The following MGAT2 variants were observed in gnomAD, a reference collection of about 807,000 sequenced individuals.
MGAT2 encodes Beta-1,2-N-acetylglucosaminyltransferase II.
MGAT2 carries 17 observed loss-of-function variants against 33.8 expected under a neutral mutation model. The ratio of observed to expected loss-of-function variants is 0.50; its 90% CI spans 0.34 to 0.76. The LOEUF is 0.76. Ranked by LOEUF, MGAT2 falls within the 30% of genes least tolerant of loss-of-function variation. The pLI is 0.01. For missense variants in MGAT2, 529 were observed against 553.9 expected, an observed-to-expected ratio of 0.96 and a Z score of 0.45; for synonymous variants, 248 against 226.7, an observed-to-expected ratio of 1.09 and a Z score of -0.84.
Position 49,621,829 on chromosome 14 carries a change from G to T in MGAT2, c.561G>T (p.Glu187Asp). Residue 187 changes from glutamate to aspartate, a missense_variant, in exon 1 of 1, where the codon GAG becomes GAT. Around this residue, in one of 2 missense-constraint regions of MGAT2, gnomAD observed 501 missense variants for 501.1 expected, o/e 1.00. Coordinates refer to ENST00000305386, the MANE Select transcript of MGAT2 (RefSeq NM_002408.4). The surrounding 1 kb of genome is among the most constrained non-coding windows in gnomAD (Gnocchi z 4.6). The part of the protein sequence containing the change: ...FPFSIQLYPN[E>D]FPGSDPRDCP... Reference sequence around the variant, plus strand: ...TCAGCATTCAGTTGTACCCTAACGAGTTTCCAGGTAGTGACCCTAGAGATT... The same window carrying T: ...TCAGCATTCAGTTGTACCCTAACGATTTTCCAGGTAGTGACCCTAGAGATT... 6.2e-7 allele frequency: 1 copy of T among 1,614,194 alleles called. No individual in the cohort carries two copies. Among genetic ancestry groups the T allele is most frequent in the African/African-American group, 1.3e-5 (1 of 75,052 alleles).
Position 49,621,248 on chromosome 14 carries a change from G to T in MGAT2, c.-21G>T. ...TGCTCCTTTCCGCGCCCGCCCGCCT[G>T]CGCTCCCGGCCCTGGAGACCATGAG... is the stretch of plus-strand genomic sequence containing the variant. On this transcript the variant is annotated 5_prime_UTR_variant, in exon 1 of 1. Coordinates refer to ENST00000305386, the MANE Select transcript of MGAT2 (RefSeq NM_002408.4). The surrounding 1 kb of genome is among the most constrained non-coding windows in gnomAD (Gnocchi z 4.6). 6.2e-7 allele frequency: 1 copy of T among 1,611,762 alleles called. No homozygotes were observed. Among genetic ancestry groups the T allele is most frequent in the South Asian group, 1.1e-5 (1 of 91,050 alleles).
rs1449178585 is a variant in MGAT2 at position 49,621,273 on chromosome 14, G to T, written c.5G>T (p.Arg2Met). 4 of 1,612,314 alleles carry T rather than the reference G, an allele frequency of 2.5e-6. No homozygotes were observed. Among genetic ancestry groups the T allele is most frequent in the Non-Finnish European group, 3.4e-6 (4 of 1,179,804 alleles). Reference sequence around the variant, plus strand: ...GCGCTCCCGGCCCTGGAGACCATGAGGTTCCGCATCTACAAACGGAAGGTG... The same window carrying T: ...GCGCTCCCGGCCCTGGAGACCATGATGTTCCGCATCTACAAACGGAAGGTG... The part of the protein sequence containing the change: M[R>M]FRIYKRKVLI... The change falls in exon 1 of 1, where the codon AGG becomes ATG. Residue 2 changes from arginine to methionine, a missense_variant. Transcript: ENST00000305386. The surrounding 1 kb of genome is among the most constrained non-coding windows in gnomAD (Gnocchi z 4.6).
rs367884832 is a variant in MGAT2 at position 49,622,625 on chromosome 14, C to A, written c.*13C>A. 3 of 1,594,462 alleles carry A rather than the reference C, an allele frequency of 1.9e-6. No individual in the cohort carries two copies. The highest frequency in any genetic ancestry group is 3.7e-5 in the Admixed American group (2 of 54,398). On this transcript the variant is annotated 3_prime_UTR_variant, in exon 1 of 1. Coordinates refer to ENST00000305386, the MANE Select transcript of MGAT2 (RefSeq NM_002408.4). Reference sequence around the variant, plus strand: ...AAGACTGCAGTGAAAATCACAGTTACAAAAGCGACAGTCTTCTATTTTTGA... The same window carrying A: ...AAGACTGCAGTGAAAATCACAGTTAAAAAAGCGACAGTCTTCTATTTTTGA...
Position 49,622,431 on chromosome 14 carries a change from C to G in MGAT2, c.1163C>G (p.Pro388Arg), listed in dbSNP as rs1051276902. Residue 388 changes from proline to arginine, a missense_variant, in exon 1 of 1, where the codon CCA (proline) becomes CGA (arginine). Around this residue, in one of 2 missense-constraint regions of MGAT2, gnomAD observed 501 missense variants for 501.1 expected, o/e 1.00. Coordinates refer to ENST00000305386, the MANE Select transcript of MGAT2 (RefSeq NM_002408.4). ...ATGCATCACAAGAAAACCTGTAGACCATCCACTCAGAGTGCCCAAATTGAG... is the reference window on the plus strand; with the variant it reads ...ATGCATCACAAGAAAACCTGTAGACGATCCACTCAGAGTGCCCAAATTGAG... ...CGMHHKKTCRPSTQSAQIESL... is the reference protein window; with the variant it reads ...CGMHHKKTCRRSTQSAQIESL... The G allele has an allele frequency of 1.2e-6, 2 of 1,613,858 alleles. No homozygotes were observed. Among genetic ancestry groups the G allele is most frequent in the Admixed American group, 1.7e-5 (1 of 59,986 alleles).
chr14:49,621,208 C>G lies in MGAT2; in HGVS notation c.-61C>G. 10 of 1,607,182 alleles carry G rather than the reference C, an allele frequency of 6.2e-6. No individual in the cohort carries two copies. Among genetic ancestry groups the G allele is most frequent in the Admixed American group, 1.7e-5 (1 of 59,754 alleles). On this transcript the variant is annotated 5_prime_UTR_variant, in exon 1 of 1. Coordinates refer to ENST00000305386, the MANE Select transcript of MGAT2 (RefSeq NM_002408.4). This position sits in a 1 kb window ranked among gnomAD's most constrained non-coding sequence, Gnocchi z 4.6. ...GACGGCCGCCGCCCGCCCGCCCCTT[C>G]CGTGCAGAAGCAGCTGCTCCTTTCC...
At position 49,621,580 on chromosome 14, in the gene MGAT2, G is replaced by C. The variant is rs1224294244; in HGVS notation, c.312G>C (p.Leu104=). The C allele has an allele frequency of 6.2e-7, 1 of 1,613,908 alleles. No homozygotes were observed. The highest frequency in any genetic ancestry group is 2.2e-5 in the East Asian group (1 of 44,896). Residue 104 remains leucine (L), a synonymous_variant, in exon 1 of 1, where the codon CTG becomes CTC. Transcript: ENST00000305386. This position sits in a 1 kb window ranked among gnomAD's most constrained non-coding sequence, Gnocchi z 4.6. ...ACCAGCTGAACTTTGATCAGACCCT[G>C]AGGAATGTAGATAAGGCTGGCACCT... ...LVYQLNFDQT[L]RNVDKAGTWA...
In MGAT2 at chr14:49,622,746, A is replaced by G. The variant is rs1307130383; in HGVS notation, c.*134A>G. On this transcript the variant is annotated 3_prime_UTR_variant, in exon 1 of 1. Transcript: ENST00000305386. ...AAAATCTTGTAAAAGGTGTCCAAAT[A>G]CATAGTAATCTTTTCCAGTTATGTC... The G allele has an allele frequency of 4.8e-6, 4 of 830,216 alleles. No homozygotes were observed. Among genetic ancestry groups the G allele is most frequent in the Non-Finnish European group, 7.1e-6 (4 of 560,932 alleles). 51.4% of individuals were successfully genotyped at this position (830,216 alleles called of 1,614,324 possible).
chr14:49,622,566 A>G lies in MGAT2; in HGVS notation c.1298A>G (p.Asp433Gly). ...CCTAGAAAAAATGGAGGGTGGGGAG[A>G]TATTAGGGACCATGAACTCTGTAAA... ...SPPRKNGGWG[D>G]IRDHELCKSY... is the part of the protein sequence containing the mutation. The change falls in exon 1 of 1, where the codon GAT (aspartate) becomes GGT (glycine). Residue 433 changes from aspartate to glycine, a missense_variant. Coordinates refer to ENST00000305386, the MANE Select transcript of MGAT2 (RefSeq NM_002408.4). The G allele has an allele frequency of 6.3e-7, 1 of 1,591,858 alleles. No homozygotes were observed. Among genetic ancestry groups the G allele is most frequent in the Non-Finnish European group, 8.5e-7 (1 of 1,172,314 alleles).
Position 49,621,123 on chromosome 14 carries a change from C to A in MGAT2, c.-146C>A. On this transcript the variant is annotated 5_prime_UTR_variant, in exon 1 of 1. Coordinates refer to ENST00000305386, the MANE Select transcript of MGAT2 (RefSeq NM_002408.4). This position sits in a 1 kb window ranked among gnomAD's most constrained non-coding sequence, Gnocchi z 4.6. ...GTCTCGGGCCCCAGGACCCCCGGGGCCCGGGATGAGTTAGCGAGGGCAGCC... is the reference window on the plus strand; with the variant it reads ...GTCTCGGGCCCCAGGACCCCCGGGGACCGGGATGAGTTAGCGAGGGCAGCC... 8.1e-7 allele frequency: 1 copy of A among 1,230,976 alleles called. No individual in the cohort carries two copies. The highest frequency in any genetic ancestry group is 1.1e-6 in the Non-Finnish European group (1 of 874,516). 76.3% of individuals were successfully genotyped at this position (1,230,976 alleles called of 1,614,324 possible).
chr14:49,621,460 C>G lies in MGAT2; in HGVS notation c.192C>G (p.Ile64Met). ...GGDHPSVAVGIRRVSNVSAAS... is the reference protein window; with the variant it reads ...GGDHPSVAVGMRRVSNVSAAS... ...ACCACCCCTCTGTGGCTGTGGGCAT[C>G]CGCAGGGTCTCCAACGTGTCGGCGG... The change falls in exon 1 of 1, where the codon ATC becomes ATG. Residue 64 changes from isoleucine (I) to methionine (M), a missense_variant. Physicochemically the swap from Ile to Met is conservative, Grantham distance 10 (BLOSUM62 1). Transcript: ENST00000305386. This position sits in a 1 kb window ranked among gnomAD's most constrained non-coding sequence, Gnocchi z 4.6. The G allele has an allele frequency of 2.5e-6, 4 of 1,606,890 alleles. No homozygotes were observed. In the South Asian group the frequency reaches 4.4e-5, roughly 18 times the overall value.
chr14:49,623,192 ACTTT>A lies in MGAT2; in HGVS notation c.*585_*588del, dbSNP rs1882904407. ...GTGTTTTGGAACCTTCATAGAACAC[ACTTT>A]CTTTTGGAATGTATTTGATTGATAA... On this transcript the variant is annotated 3_prime_UTR_variant, in exon 1 of 1. Transcript: ENST00000305386. 6.0e-6 allele frequency: 1 copy of A among 166,566 alleles called. No individual in the cohort carries two copies. 10.3% of individuals were successfully genotyped at this position (166,566 alleles called of 1,614,324 possible). A position where few individuals can be genotyped will look rare whatever the true frequency, so the allele number is the denominator to read the frequency against.
In MGAT2 at chr14:49,622,404, G is replaced by A; in HGVS notation, c.1136G>A (p.Gly379Asp). Residue 379 changes from glycine to aspartate, a missense_variant, in exon 1 of 1, where the codon GGT becomes GAT. Physicochemically the swap from Gly to Asp is moderately conservative, Grantham distance 94. This residue lies in a region of MGAT2 where 501 missense variants were observed against 501.1 expected (regional missense o/e 1.00). Coordinates refer to ENST00000305386, the MANE Select transcript of MGAT2 (RefSeq NM_002408.4). ...AGGATCTTTCATGCTGGAGACTGTGGTATGCATCACAAGAAAACCTGTAGA... is the reference window on the plus strand; with the variant it reads ...AGGATCTTTCATGCTGGAGACTGTGATATGCATCACAAGAAAACCTGTAGA... ...IPRIFHAGDC[G>D]MHHKKTCRPS... is the part of the protein sequence containing the mutation. The A allele has an allele frequency of 6.2e-7, 1 of 1,614,142 alleles. No individual in the cohort carries two copies. The highest frequency in any genetic ancestry group is 8.5e-7 in the Non-Finnish European group (1 of 1,180,038).
At position 49,622,539 on chromosome 14, in the gene MGAT2, C is replaced by A. The variant is rs1314093762; in HGVS notation, c.1271C>A (p.Pro424Gln). The change falls in exon 1 of 1, where the codon CCA becomes CAA. Residue 424 changes from proline to glutamine, a missense_variant. Coordinates refer to ENST00000305386, the MANE Select transcript of MGAT2 (RefSeq NM_002408.4). ...SEKFTVVAIS[P>Q]PRKNGGWGDI... ...AAGTTTACTGTGGTAGCCATTTCCC[C>A]ACCTAGAAAAAATGGAGGGTGGGGA... 1 of 1,587,032 alleles carries A rather than the reference C, an allele frequency of 6.3e-7. No individual in the cohort carries two copies. Among genetic ancestry groups the A allele is most frequent in the Non-Finnish European group, 8.6e-7 (1 of 1,169,360 alleles).
Position 49,621,026 on chromosome 14 carries a change from C to T in MGAT2, c.-243C>T, listed in dbSNP as rs1341177318. 1 of 708,656 alleles carries T rather than the reference C, an allele frequency of 1.4e-6. No individual in the cohort carries two copies. The highest frequency in any genetic ancestry group is 2.6e-6 in the Non-Finnish European group (1 of 390,992). 43.9% of individuals were successfully genotyped at this position (708,656 alleles called of 1,614,324 possible). Reference sequence around the variant, plus strand: ...GAAGCCGAGCCGCGGCTCCTAGCGGCGGCGCCGATGCTCGAGCTGTAGCTG... The same window carrying T: ...GAAGCCGAGCCGCGGCTCCTAGCGGTGGCGCCGATGCTCGAGCTGTAGCTG... On this transcript the variant is annotated 5_prime_UTR_variant, in exon 1 of 1. Coordinates refer to ENST00000305386, the MANE Select transcript of MGAT2 (RefSeq NM_002408.4). This position sits in a 1 kb window ranked among gnomAD's most constrained non-coding sequence, Gnocchi z 4.6.
chr14:49,622,190 G>C lies in MGAT2; in HGVS notation c.922G>C (p.Asp308His). Residue 308 changes from aspartate (D) to histidine (H), a missense_variant, in exon 1 of 1, where the codon GAT becomes CAT. Physicochemically the swap from Asp to His is moderately conservative, Grantham distance 81. Coordinates refer to ENST00000305386, the MANE Select transcript of MGAT2 (RefSeq NM_002408.4). ...TTTCTATGGCATGGCTGACAAGGTA[G>C]ATGTGAAAACTTGGAAATCCACAGA... ...RSFYGMADKV[D>H]VKTWKSTEHN... The C allele has an allele frequency of 6.2e-7, 1 of 1,614,152 alleles. No homozygotes were observed. The highest frequency in any genetic ancestry group is 8.5e-7 in the Non-Finnish European group (1 of 1,179,998).
rs1882830968 is a variant in MGAT2, at chr14:49,621,096, A to C, written c.-173A>C. On this transcript the variant is annotated 5_prime_UTR_variant, in exon 1 of 1. Coordinates refer to ENST00000305386, the MANE Select transcript of MGAT2 (RefSeq NM_002408.4). The surrounding 1 kb of genome is among the most constrained non-coding windows in gnomAD (Gnocchi z 4.6). ...GCGCAGGCGGCGCGGGGTAAATGAG[A>C]GGTCTCGGGCCCCAGGACCCCCGGG... 1 of 906,496 alleles carries C rather than the reference A, an allele frequency of 1.1e-6. No individual in the cohort carries two copies. Among genetic ancestry groups the C allele is most frequent in the Admixed American group, 2.0e-5 (1 of 49,156 alleles). 56.2% of individuals were successfully genotyped at this position (906,496 alleles called of 1,614,324 possible).
chr14:49,622,427 A>G lies in MGAT2; in HGVS notation c.1159A>G (p.Arg387Gly). The G allele has an allele frequency of 6.2e-7, 1 of 1,614,132 alleles. No homozygotes were observed. Among genetic ancestry groups the G allele is most frequent in the Non-Finnish European group, 8.5e-7 (1 of 1,180,002 alleles). Residue 387 changes from arginine (R) to glycine (G), a missense_variant, in exon 1 of 1, where the codon AGA (arginine) becomes GGA (glycine). By Grantham distance (125) the Arg-to-Gly change is moderately radical (BLOSUM62 -2). Coordinates refer to ENST00000305386, the MANE Select transcript of MGAT2 (RefSeq NM_002408.4). ...TGGTATGCATCACAAGAAAACCTGTAGACCATCCACTCAGAGTGCCCAAAT... is the reference window on the plus strand; with the variant it reads ...TGGTATGCATCACAAGAAAACCTGTGGACCATCCACTCAGAGTGCCCAAAT... ...DCGMHHKKTC[R>G]PSTQSAQIES... is the part of the protein sequence containing the mutation.
chr14:49,622,351 C>T lies in MGAT2; in HGVS notation c.1083C>T (p.Phe361=), dbSNP rs1368311313. The change falls in exon 1 of 1, where the codon TTC becomes TTT. Residue 361 remains phenylalanine (F), a synonymous_variant. Transcript: ENST00000305386. ...TGACTGTATCTTGTCTTCCAAAATT[C>T]TGGAAAGTGCTGGTTCCTCAAATTC... ...QYLTVSCLPK[F]WKVLVPQIPR... 2 of 1,614,168 alleles carry T rather than the reference C, an allele frequency of 1.2e-6. No homozygotes were observed. Among genetic ancestry groups the T allele is most frequent in the East Asian group, 4.5e-5 (2 of 44,890 alleles).
At position 49,623,401 on chromosome 14, in the gene MGAT2, G is replaced by A. The variant is rs1882911332; in HGVS notation, c.*789G>A. ...TCAGTGAAGGCATTCTACAAGTTTT[G>A]AGTTAGCATTACATTTTAATATTTA... On this transcript the variant is annotated 3_prime_UTR_variant, in exon 1 of 1. Transcript: ENST00000305386. 6.0e-6 allele frequency: 1 copy of A among 166,890 alleles called. No homozygotes were observed. Among genetic ancestry groups the A allele is most frequent in the South Asian group, 2.1e-4 (1 of 4,826 alleles). The allele number at this position is 166,890 out of a possible 1,614,324, so 10.3% of individuals were successfully genotyped here.
Sources: gnomAD v4.1 joint callset for allele counts on GRCh38, gnomAD v4.1.1 for gene constraint, gnomAD v4.1.1 regional missense constraint, Gnocchi (gnomAD v3.1) non-coding constraint, MANE v1.5 for transcripts, NCBI Gene and HGNC (gene_info 2026-07-23, HGNC 2026-07-21) for gene names.